Variants in ZNF518B observed in about 807,000 individuals in gnomAD.
ZNF518B encodes the protein zinc finger protein 518B.
Under a neutral mutation model 56.3 loss-of-function variants are expected in ZNF518B, and 23 were observed. That is an observed-to-expected ratio of 0.41 (90% CI 0.29 to 0.58). The LOEUF (loss-of-function observed/expected upper bound fraction) is 0.58, where lower values mean the gene tolerates loss of function less well. Ranked by LOEUF, ZNF518B falls within the 20% of genes least tolerant of loss-of-function variation. The pLI is 0.32. For synonymous variants in ZNF518B, 529 were observed against 465.9 expected (o/e 1.14, Z -1.74); for missense variants, 1,460 against 1,272.1 (o/e 1.15, Z -2.25).
Position 10,444,376 on chromosome 4 carries a change from C to T in ZNF518B, c.1953G>A (p.Lys651=). The T allele has an allele frequency of 1.9e-6, 3 of 1,614,206 alleles. No individual in the cohort carries two copies. In the South Asian group the frequency reaches 3.3e-5, roughly 18 times the overall value. Residue 651 remains lysine (K), a synonymous_variant, in exon 3 of 3, where the codon AAG becomes AAA. Coordinates refer to ENST00000326756, the MANE Select transcript of ZNF518B (RefSeq NM_053042.3). Reference sequence around the variant, plus strand: ...TTATTTTAGACGTTGAGCTATTCCACTTAATGCCCTCGGGGACATTTTCAG... The same window carrying T: ...TTATTTTAGACGTTGAGCTATTCCATTTAATGCCCTCGGGGACATTTTCAG... ...SGSENVPEGI[K]WNSSTSKIKS...
chr4:10,447,794 T>G (rs1467751176), intron 2 of ZNF518B, among the ~76,000 whole-genome samples: 1 of 151,656 alleles, frequency 6.6e-6, no homozygotes, highest in Non-Finnish European at 1.5e-5. Context: ...GGATTACAGG[T>G]TTGCACCACC....
Position 10,443,998 on chromosome 4 carries a change from C to A in ZNF518B, c.2331G>T (p.Val777=). ...TCTCAGAGGAATTAAGAACCCTCAA[C>A]ACAGCCCCTTTGGGGATTAACACTG... ...ATPVLIPKGA[V]LRVLNSSENA... is the part of the protein sequence containing the mutation. Residue 777 remains valine, a synonymous_variant, in exon 3 of 3, where the codon GTG becomes GTT. Coordinates refer to ENST00000326756, the MANE Select transcript of ZNF518B (RefSeq NM_053042.3). 1 of 1,614,234 alleles carries A rather than the reference C, an allele frequency of 6.2e-7. No homozygotes were observed. The highest frequency in any genetic ancestry group is 8.5e-7 in the Non-Finnish European group (1 of 1,180,038).
At chr4:10,452,337 T>C (rs1330080481) in intron 2 of ZNF518B, 1 of 152,152 alleles carries the variant, frequency 6.6e-6, no homozygotes, top group African/African-American at 2.4e-5. Flanking sequence ...AGATAATGTA[T>C]GCAAAGCATT....
In ZNF518B at chr4:10,446,193, G is replaced by A. The variant is rs555098704; in HGVS notation, c.136C>T (p.Gln46Ter). ...ATGGCAGCCTCTGCCTCTGAGCCTT[G>A]ATACAAAAGGGTTTGTGCTTCTTGT... ...NRQEAQTLLY[Q>*]GSEAEAAMMT... is the part of the protein sequence containing the mutation. Residue 46 changes from glutamine to a stop codon, truncating the protein, a stop_gained, in exon 3 of 3, where the codon CAA (glutamine) becomes TAA (stop). Transcript: ENST00000326756. LOFTEE classifies it low-confidence loss of function (END_TRUNC). 1 of 1,614,172 alleles carries A rather than the reference G, an allele frequency of 6.2e-7. No individual in the cohort carries two copies. Among genetic ancestry groups the A allele is most frequent in the Admixed American group, 1.7e-5 (1 of 60,024 alleles).
Position 10,443,240 on chromosome 4 carries a change from T to G in ZNF518B, c.3089A>C (p.Asp1030Ala), listed in dbSNP as rs775947104. Residue 1030 changes from aspartate (D) to alanine (A), a missense_variant, in exon 3 of 3, where the codon GAT (aspartate) becomes GCT (alanine). Transcript: ENST00000326756. ...GCACTTAAATACACACTGTGAAGAA[T>G]CATCAGGCAAGGAATCCACTACCTG... is the stretch of plus-strand genomic sequence containing the variant. ...NYQVVDSLPD[D>A]SSQCVFKCWF... 1 of 1,614,238 alleles carries G rather than the reference T, an allele frequency of 6.2e-7. No individual in the cohort carries two copies. The highest frequency in any genetic ancestry group is 1.1e-5 in the South Asian group (1 of 91,088).
At position 10,444,186 on chromosome 4, in the gene ZNF518B, T is replaced by A. The variant is rs370831720; in HGVS notation, c.2143A>T (p.Thr715Ser). The change falls in exon 3 of 3, where the codon ACT becomes TCT. Residue 715 changes from threonine to serine, a missense_variant. Coordinates refer to ENST00000326756, the MANE Select transcript of ZNF518B (RefSeq NM_053042.3). ...EGIQEINVSL[T>S]GLGHSTGTLQ... is the part of the protein sequence containing the mutation. ...GTACCTGTGGAATGGCCAAGACCAG[T>A]GAGTGACACGTTGATTTCTTGAATA... The A allele has an allele frequency of 1.2e-5, 20 of 1,614,116 alleles. No homozygotes were observed. In the African/African-American group the frequency reaches 2.7e-4, roughly 22 times the overall value.
chr4:10,453,198 CTT>C (rs1715394822), intron 2 of ZNF518B: 1 of 152,180 alleles, frequency 6.6e-6, no homozygotes, highest in South Asian at 2.1e-4. Flanking sequence ...TGGGAGGTAA[CTT>C]TATGCTTGGC....
rs1272523393 is a variant in ZNF518B, at chr4:10,443,459, G to A, written c.2870C>T (p.Thr957Ile). ...TTTATTTATTACCTTCATCACATTG[G>A]TCACTTCTGGCGAGTCCACATCAGG... ...NHPDVDSPEV[T>I]NVMKVINKYK... Residue 957 changes from threonine to isoleucine, a missense_variant, in exon 3 of 3, where the codon ACC (threonine) becomes ATC (isoleucine). Transcript: ENST00000326756. 3 of 1,613,986 alleles carry A rather than the reference G, an allele frequency of 1.9e-6. No individual in the cohort carries two copies. Among genetic ancestry groups the A allele is most frequent in the African/African-American group, 2.7e-5 (2 of 74,880 alleles).
At chr4:10,448,418 C>G (rs1715162834) in intron 2 of ZNF518B, among the ~76,000 whole-genome samples, 1 of 152,164 alleles carries the variant, frequency 6.6e-6, no homozygotes, top group Non-Finnish European at 1.5e-5. Context: ...AACAGTAACG[C>G]ACTCAGATCT....
In ZNF518B at chr4:10,446,384, A is replaced by G; in HGVS notation, c.-56T>C. On this transcript the variant is annotated 5_prime_UTR_variant, in exon 3 of 3. Transcript: ENST00000326756. ...AAATTCAGAAAGTTTTCACATGATA[A>G]AATCCTTAGGAGATATCCTTCTATA... 6.6e-7 allele frequency: 1 copy of G among 1,525,506 alleles called. No homozygotes were observed. Among genetic ancestry groups the G allele is most frequent in the Non-Finnish European group, 9.0e-7 (1 of 1,113,238 alleles). 94.5% of individuals were successfully genotyped at this position (1,525,506 alleles called of 1,614,324 possible).
Position 10,445,079 on chromosome 4 carries a change from C to T in ZNF518B, c.1250G>A (p.Gly417Asp). ...AACTGAAGGTTGAAAACTATCAATGCCTACGAGTTTTCCAACATTCCCGTC... is the reference window on the plus strand; with the variant it reads ...AACTGAAGGTTGAAAACTATCAATGTCTACGAGTTTTCCAACATTCCCGTC... ...TVDGNVGKLV[G>D]IDSFQPSVQK... The change falls in exon 3 of 3, where the codon GGC becomes GAC. Residue 417 changes from glycine to aspartate, a missense_variant. Transcript: ENST00000326756. 6.2e-7 allele frequency: 1 copy of T among 1,614,180 alleles called. No homozygotes were observed. Among genetic ancestry groups the T allele is most frequent in the Non-Finnish European group, 8.5e-7 (1 of 1,180,032 alleles).
Position 10,445,237 on chromosome 4 carries a change from A to T in ZNF518B, c.1092T>A (p.Phe364Leu). The T allele has an allele frequency of 1.9e-6, 3 of 1,614,212 alleles. No individual in the cohort carries two copies. The highest frequency in any genetic ancestry group is 2.5e-6 in the Non-Finnish European group (3 of 1,180,040). The change falls in exon 3 of 3, where the codon TTT becomes TTA. Residue 364 changes from phenylalanine to leucine, a missense_variant. By Grantham distance (22) the Phe-to-Leu change is conservative. Transcript: ENST00000326756. ...NGTQQLVLKL[F>L]PLEENNCLEA... ...CAAGGCAATTATTTTCTTCCAGCGG[A>T]AACAGTTTCAGAACAAGCTGCTGTG...
chr4:10,453,999 G>A (rs1003924169), intron 2 of ZNF518B: 20 of 152,252 alleles, frequency 1.3e-4, no homozygotes, highest in African/African-American at 4.8e-4. Context: ...TGTAACTGGG[G>A]AAGAGGTGGG....
At chr4:10,449,005 G>C (rs545639360) in intron 2 of ZNF518B, among the ~76,000 whole-genome samples, 1 of 152,228 alleles carries the variant, frequency 6.6e-6, no homozygotes, top group East Asian at 1.9e-4. Context: ...TGCCCAGTCC[G>C]ACACTGCTGA....
rs1714714785 is a variant in ZNF518B at position 10,442,247 on chromosome 4, C to G, written c.*857G>C. ...CTTGAACTGTGTTTGCGAGTTTTAC[C>G]TATGTTGTAAGCCTGTTCCCTAGCA... is the stretch of plus-strand genomic sequence containing the variant. On this transcript the variant is annotated 3_prime_UTR_variant, in exon 3 of 3. Coordinates refer to ENST00000326756, the MANE Select transcript of ZNF518B (RefSeq NM_053042.3). 1 of 152,196 alleles carries G rather than the reference C, an allele frequency of 6.6e-6. No individual in the cohort carries two copies. Among genetic ancestry groups the G allele is most frequent in the African/African-American group, 2.4e-5 (1 of 41,456 alleles). 9.4% of individuals were successfully genotyped at this position (152,196 alleles called of 1,614,324 possible). A position where few individuals can be genotyped will look rare whatever the true frequency, so the allele number is the denominator to read the frequency against.
chr4:10,459,438 C>A (rs1419927708), upstream of ZNF518B, among the ~76,000 whole-genome samples: 2 of 152,132 alleles, frequency 1.3e-5, no homozygotes, highest in Non-Finnish European at 2.9e-5. Flanking sequence ...CTTAGTTTGC[C>A]TAAATTCCGT....
Position 10,440,293 on chromosome 4 carries a change from T to C in ZNF518B, c.*2811A>G, listed in dbSNP as rs1478979082. Reference sequence around the variant, plus strand: ...CAGAGTATACTTTGGGTCAGGTTTTTTTTTTTTAACTTTTACTGTATTTGC... The same window carrying C: ...CAGAGTATACTTTGGGTCAGGTTTTCTTTTTTTAACTTTTACTGTATTTGC... On this transcript the variant is annotated 3_prime_UTR_variant, in exon 3 of 3. Transcript: ENST00000326756. 2 of 152,328 alleles carry C rather than the reference T, an allele frequency of 1.3e-5. No individual in the cohort carries two copies. The highest frequency in any genetic ancestry group is 2.9e-5 in the Non-Finnish European group (2 of 67,990). 9.4% of individuals were successfully genotyped at this position (152,328 alleles called of 1,614,324 possible). A position where few individuals can be genotyped will look rare whatever the true frequency, so the allele number is the denominator to read the frequency against.
rs1438336774 is a variant in ZNF518B at position 10,443,724 on chromosome 4, C to T, written c.2605G>A (p.Gly869Arg). 1 of 1,614,132 alleles carries T rather than the reference C, an allele frequency of 6.2e-7. No individual in the cohort carries two copies. Among genetic ancestry groups the T allele is most frequent in the Admixed American group, 1.7e-5 (1 of 59,994 alleles). ...RKTGLLYGQQ[G>R]SSELNKQGRL... is the part of the protein sequence containing the mutation. ...CCTTGCTTATTTAATTCACTGCTTC[C>T]TTGCTGTCCATACAAGAGGCCAGTT... is the stretch of plus-strand genomic sequence containing the variant. Residue 869 changes from glycine (G) to arginine (R), a missense_variant, in exon 3 of 3, where the codon GGA becomes AGA. By Grantham distance (125) the Gly-to-Arg change is moderately radical. Coordinates refer to ENST00000326756, the MANE Select transcript of ZNF518B (RefSeq NM_053042.3).
At position 10,442,235 on chromosome 4, in the gene ZNF518B, T is replaced by G. The variant is rs563411446; in HGVS notation, c.*869A>C. 12 of 152,352 alleles carry G rather than the reference T, an allele frequency of 7.9e-5. No individual in the cohort carries two copies. The highest frequency in any genetic ancestry group is 2.9e-4 in the African/African-American group (12 of 41,588). The allele number at this position is 152,352 out of a possible 1,614,324, so 9.4% of individuals were successfully genotyped here. On this transcript the variant is annotated 3_prime_UTR_variant, in exon 3 of 3. Coordinates refer to ENST00000326756, the MANE Select transcript of ZNF518B (RefSeq NM_053042.3). ...TTATGAGCCTACCTTGAACTGTGTT[T>G]GCGAGTTTTACCTATGTTGTAAGCC... is the stretch of plus-strand genomic sequence containing the variant.
Sources: allele counts gnomAD v4.1 joint callset (sites outside exome capture counted in the v4.1 genomes callset), GRCh38; gene constraint gnomAD v4.1.1; transcripts MANE v1.5; gene names NCBI Gene and HGNC (gene_info 2026-07-23, HGNC 2026-07-21).